KCNH5: variants seen among roughly 807,000 people sequenced by gnomAD.
The protein encoded by KCNH5 is voltage-gated delayed rectifier potassium channel KCNH5.
In KCNH5, 46 loss-of-function variants were observed where a neutral mutation model predicts 96.1. The observed-to-expected ratio is 0.48, with a 90% CI of 0.38 to 0.61. The LOEUF is 0.61. Ranked by LOEUF, KCNH5 falls within the 20% of genes least tolerant of loss-of-function variation. KCNH5 has a pLI of 0.00. For missense variants in KCNH5, 907 were observed against 1,225.8 expected, an observed-to-expected ratio of 0.74 and a Z score of 3.88; for synonymous variants, 439 against 449.8, an observed-to-expected ratio of 0.98 and a Z score of 0.30.
At chr14:63,035,839 G>T (rs1051568745) in intron 1 of KCNH5, among the ~76,000 whole-genome samples, 1 of 152,174 alleles carries the variant, frequency 6.6e-6, no homozygotes, top group African/African-American at 2.4e-5. Context: ...AGTCCTTACT[G>T]AGATGATCCA....
chr14:62,951,549 C>A (rs760464894), intron 6 of KCNH5, among the ~76,000 whole-genome samples: 1 of 152,166 alleles, frequency 6.6e-6, no homozygotes, highest in Non-Finnish European at 1.5e-5. Context: ...GACAAGGAAT[C>A]TAATATAACT....
At chr14:62,998,049 G>A (rs1384069112) in intron 4 of KCNH5, among the ~76,000 whole-genome samples, 3 of 152,070 alleles carry the variant, frequency 2.0e-5, no homozygotes, top group Non-Finnish European at 4.4e-5. Flanking sequence ...GAAAAGACTT[G>A]AACTGGTATT....
intron 7 of KCNH5, among the ~76,000 whole-genome samples, chr14:62,920,893 C>T (rs1458985415): frequency 6.6e-6 from 1 of 152,156 alleles, no homozygotes; most frequent in Non-Finnish European, 1.5e-5. Context: ...ACTTATGAAA[C>T]ATTCTTATTA....
intron 7 of KCNH5, among the ~76,000 whole-genome samples, chr14:62,873,790 C>A (rs1263302525): frequency 6.6e-6 from 1 of 152,146 alleles, no homozygotes; most frequent in East Asian, 1.9e-4. Flanking sequence ...CCCTTAGAAT[C>A]TACAAGCCTC....
At chr14:62,995,731 T>C (rs1266216411) in intron 4 of KCNH5, among the ~76,000 whole-genome samples, 2 of 152,112 alleles carry the variant, frequency 1.3e-5, no homozygotes, top group African/African-American at 4.8e-5. Flanking sequence ...CCATCTTTAC[T>C]CTCAGTTGAT....
At chr14:62,802,810 G>T (rs1886692079) in intron 8 of KCNH5, among the ~76,000 whole-genome samples, 1 of 152,154 alleles carries the variant, frequency 6.6e-6, no homozygotes, top group South Asian at 2.1e-4. Flanking sequence ...GCAGAACTAT[G>T]TAGTAAATGC....
At chr14:62,814,477 C>A (rs1353949838) in intron 8 of KCNH5, among the ~76,000 whole-genome samples, 1 of 151,966 alleles carries the variant, frequency 6.6e-6, no homozygotes, top group Non-Finnish European at 1.5e-5. Context: ...GTATTTACTG[C>A]CCAGAAAAAT....
At chr14:62,792,050 G>A (rs1886446608) in intron 9 of KCNH5, among the ~76,000 whole-genome samples, 1 of 151,230 alleles carries the variant, frequency 6.6e-6, no homozygotes. Flanking sequence ...TATTTTAAAT[G>A]GACTTCAACT....
chr14:62,784,314 T>G (rs1886278414), intron 9 of KCNH5, among the ~76,000 whole-genome samples: 1 of 152,208 alleles, frequency 6.6e-6, no homozygotes, highest in South Asian at 2.1e-4. Context: ...GCCCTTGACA[T>G]GTAGGGATTA....
chr14:62,832,739 T>C (rs1301289756), intron 8 of KCNH5, among the ~76,000 whole-genome samples: 2 of 152,180 alleles, frequency 1.3e-5, no homozygotes, highest in Admixed American at 1.3e-4. Context: ...ATATAAGCAT[T>C]CCAGTTTCTC....
chr14:62,829,523 T>C (rs947245941), intron 8 of KCNH5, among the ~76,000 whole-genome samples: 11 of 152,208 alleles, frequency 7.2e-5, no homozygotes, highest in African/African-American at 2.7e-4. Context: ...TCACCAACGC[T>C]TGGGGCTTGC....
intron 9 of KCNH5, among the ~76,000 whole-genome samples, chr14:62,798,023 G>A (rs1886575745): frequency 6.6e-6 from 1 of 151,958 alleles, no homozygotes; most frequent in South Asian, 2.1e-4. Context: ...AGCCTACAAT[G>A]GATTTTAAAT....
chr14:63,016,543 G>A (rs1452049546), intron 2 of KCNH5, among the ~76,000 whole-genome samples: 1 of 152,000 alleles, frequency 6.6e-6, no homozygotes, highest in Non-Finnish European at 1.5e-5. Flanking sequence ...ACGTTCCTCT[G>A]ATTACTCAGC....
chr14:62,999,770 G>A (rs1233563608), intron 4 of KCNH5, among the ~76,000 whole-genome samples: 14 of 147,052 alleles, frequency 9.5e-5, no homozygotes, highest in African/African-American at 2.8e-4. Flanking sequence ...GCTAAATGAC[G>A]AGTTAATGGG....
intron 7 of KCNH5, among the ~76,000 whole-genome samples, chr14:62,892,272 A>G (rs181750386): frequency 1.3e-5 from 2 of 152,346 alleles, no homozygotes; most frequent in Admixed American, 1.3e-4. Context: ...AGAAAATTTA[A>G]ATGATCTGGA....
rs1195718567 is a variant in KCNH5, at chr14:62,846,354, GTCATTT to G, written c.1569+3293_1569+3298del. Among the ~76,000 whole-genome samples, 3 of 152,042 alleles carry G rather than the reference GTCATTT, an allele frequency of 2.0e-5. No individual in the cohort carries two copies. The South Asian group carries it at 6.2e-4, about 32-fold the overall frequency. On this transcript the variant is annotated intron_variant, in intron 8 of 10. Transcript: ENST00000322893. ...GCAAAATTTGTTGCAAATGCTTTAT[GTCATTT>G]TCATTTTCATAGTTTTCTAGTGTGA...
intron 4 of KCNH5, among the ~76,000 whole-genome samples, chr14:62,993,384 A>G (rs1280980703): frequency 6.6e-6 from 1 of 151,976 alleles, no homozygotes; most frequent in African/African-American, 2.4e-5. Flanking sequence ...ATGGCATTGA[A>G]TCTGTAGATT....
In KCNH5 at chr14:62,728,088, A is replaced by G. The variant is rs1201861886; in HGVS notation, c.2020-19633T>C. Among the ~76,000 whole-genome samples the G allele has an allele frequency of 4.0e-5, 6 of 151,598 alleles. No homozygotes were observed. The East Asian group carries it at 1.2e-3, about 29-fold the overall frequency. On this transcript the variant is annotated intron_variant, in intron 10 of 10. Coordinates refer to ENST00000322893, the MANE Select transcript of KCNH5 (RefSeq NM_139318.5). Reference sequence around the variant, plus strand: ...CAGAGTTTCTTGCTCCACTTTAAAGAAACCAAAGCTGGTGGGGTGTGGTGG... The same window carrying G: ...CAGAGTTTCTTGCTCCACTTTAAAGGAACCAAAGCTGGTGGGGTGTGGTGG...
At position 62,880,235 on chromosome 14, in the gene KCNH5, G is replaced by A. The variant is rs530450659; in HGVS notation, c.1370-30383C>T. On this transcript the variant is annotated intron_variant, in intron 7 of 10. Transcript: ENST00000322893. The stretch of plus-strand genomic sequence containing the variant: ...TTCTATGGAATAGACAGTGGCACTA[G>A]AAAAGACAGTTCATTAGTGGTGCAG... Among the ~76,000 whole-genome samples the A allele has an allele frequency of 3.2e-4, 49 of 152,096 alleles. 1 individual carries two copies. The highest frequency in any genetic ancestry group is 6.3e-4 in the Non-Finnish European group (43 of 68,008).
Sources: gnomAD v4.1 joint callset for allele counts (sites outside exome capture counted in the v4.1 genomes callset) on GRCh38, gnomAD v4.1.1 for gene constraint, MANE v1.5 for transcripts, NCBI Gene and HGNC (gene_info 2026-07-23, HGNC 2026-07-21) for gene names.